The following CRKL variants were observed in gnomAD, a reference collection of about 807,000 sequenced individuals.
CRKL encodes the protein crk-like protein.
A neutral mutation model predicts 23.0 loss-of-function variants in CRKL; 3 were observed. The observed-to-expected ratio is 0.13, with a 90% confidence interval of 0.06 to 0.34. The LOEUF (loss-of-function observed/expected upper bound fraction) is 0.34, where lower values mean the gene tolerates loss of function less well. Among genes scored for constraint, CRKL ranks in the 10% least tolerant of loss-of-function variants. The pLI is 1.00. For synonymous variants in CRKL, 188 were observed against 160.7 expected (o/e 1.17, Z -1.28); for missense variants, 256 against 394.5 (o/e 0.65, Z 2.97).
chr22:20,935,987 A>G (rs1438509487), intron 2 of CRKL, among the ~76,000 whole-genome samples: 1 of 152,160 alleles, frequency 6.6e-6, no homozygotes, highest in Non-Finnish European at 1.5e-5. Context: ...GTGAAACCCC[A>G]TCTCTACCAA....
At position 20,934,254 on chromosome 22, in the gene CRKL, G is replaced by T. The variant is rs770889039; in HGVS notation, c.777+10G>T. The T allele has an allele frequency of 1.3e-6, 2 of 1,596,140 alleles. No individual in the cohort carries two copies. Among genetic ancestry groups the T allele is most frequent in the Admixed American group, 3.5e-5 (2 of 57,662 alleles). Reference sequence around the variant, plus strand: ...TGCCTTGGCATTAGAGGTAAAATCTGTTCAGATTAGCTTTTTGGGTCCTTT... The same window carrying T: ...TGCCTTGGCATTAGAGGTAAAATCTTTTCAGATTAGCTTTTTGGGTCCTTT... On this transcript the variant is annotated intron_variant, in intron 2 of 2. Coordinates refer to ENST00000354336, the MANE Select transcript of CRKL (RefSeq NM_005207.4).
rs775637595 is a variant in CRKL at position 20,933,784 on chromosome 22, C to G, written c.317C>G (p.Pro106Arg). 10 of 1,610,650 alleles carry G rather than the reference C, an allele frequency of 6.2e-6. No individual in the cohort carries two copies. Among genetic ancestry groups the G allele is most frequent in the African/African-American group, 1.3e-5 (1 of 74,770 alleles). ...AATTTTCTTTCTCTCTTAAGGTATC[C>G]AAGCCCACCAATGGGATCTGTCTCA... ...TTLIEPAPRY[P>R]SPPMGSVSAP... The change falls in exon 2 of 3, where the codon CCA becomes CGA. Residue 106 changes from proline to arginine, a missense_variant. Pro to Arg is a moderately radical substitution (Grantham distance 103). Transcript: ENST00000354336.
intron 2 of CRKL, among the ~76,000 whole-genome samples, chr22:20,949,240 T>C (rs1337048218): frequency 6.6e-6 from 1 of 152,132 alleles, no homozygotes; most frequent in East Asian, 1.9e-4. Context: ...ATCCTCTCAC[T>C]TCAGCCTCCT....
intron 1 of CRKL, among the ~76,000 whole-genome samples, chr22:20,928,148 CTCTG>C (rs1970239293): frequency 6.6e-6 from 1 of 151,712 alleles, no homozygotes; most frequent in Non-Finnish European, 1.5e-5. Flanking sequence ...TAGAGTGAGA[CTCTG>C]TCTCAAAAAA....
Position 20,950,901 on chromosome 22 carries a change from C to G in CRKL, c.*1056C>G, listed in dbSNP as rs1310332526. The G allele has an allele frequency of 4.3e-6, 1 of 232,016 alleles. No homozygotes were observed. The highest frequency in any genetic ancestry group is 2.2e-5 in the African/African-American group (1 of 45,272). 14.4% of individuals were successfully genotyped at this position (232,016 alleles called of 1,614,324 possible). On this transcript the variant is annotated 3_prime_UTR_variant, in exon 3 of 3. Coordinates refer to ENST00000354336, the MANE Select transcript of CRKL (RefSeq NM_005207.4). The stretch of plus-strand genomic sequence containing the variant: ...GTACCTTGTTTTGCCATGTAGCAGA[C>G]AACACACAAAATAATGCAGTTGTGG...
intron 2 of CRKL, among the ~76,000 whole-genome samples, chr22:20,947,096 C>T (rs1184392442): frequency 2.0e-5 from 3 of 152,218 alleles, no homozygotes; most frequent in Non-Finnish European, 4.4e-5. Context: ...CAGCCATTCT[C>T]TTCCTAGGCT....
intron 2 of CRKL, among the ~76,000 whole-genome samples, chr22:20,944,095 A>T (rs368700411): frequency 6.8e-6 from 1 of 146,900 alleles, no homozygotes; most frequent in Non-Finnish European, 1.5e-5. Context: ...TAGAATTTTG[A>T]TAGGGATTGT....
chr22:20,927,013 G>GC (rs1921228393), intron 1 of CRKL, among the ~76,000 whole-genome samples: 2 of 147,656 alleles, frequency 1.4e-5, no homozygotes, highest in Non-Finnish European at 3.0e-5. Context: ...TCGGGAGGCT[G>GC]AGGCAGGAGA....
intron 1 of CRKL, among the ~76,000 whole-genome samples, chr22:20,927,693 A>G (rs564235714): frequency 5.3e-5 from 8 of 149,892 alleles, no homozygotes; most frequent in Admixed American, 3.3e-4. Context: ...AAAGACAAAA[A>G]TTAGCCGGGC....
chr22:20,953,496 C>T lies in CRKL; in HGVS notation c.*3651C>T, dbSNP rs1268128158. ...TAACTTAAAGATCATAAACTTCAGGCAATAATATTTTCTGTGTAAGCTTTT... is the reference window on the plus strand; with the variant it reads ...TAACTTAAAGATCATAAACTTCAGGTAATAATATTTTCTGTGTAAGCTTTT... On this transcript the variant is annotated 3_prime_UTR_variant, in exon 3 of 3. Transcript: ENST00000354336. 1 of 230,430 alleles carries T rather than the reference C, an allele frequency of 4.3e-6. No individual in the cohort carries two copies. Among genetic ancestry groups the T allele is most frequent in the Non-Finnish European group, 8.6e-6 (1 of 116,180 alleles). The allele number at this position is 230,430 out of a possible 1,614,324, so 14.3% of individuals were successfully genotyped here.
rs1280463588 is a variant in CRKL, at chr22:20,950,309, C to T, written c.*464C>T. 4.4e-6 allele frequency: 1 copy of T among 227,782 alleles called. No individual in the cohort carries two copies. The allele number at this position is 227,782 out of a possible 1,614,324, so 14.1% of individuals were successfully genotyped here. ...ACCTTAAGGAAGAGAGAATTCTGTT[C>T]TAAAACTCCAAAATCTGGCTTTTTT... On this transcript the variant is annotated 3_prime_UTR_variant, in exon 3 of 3. Transcript: ENST00000354336.
At chr22:20,937,241 C>G (rs1357397081) in intron 2 of CRKL, among the ~76,000 whole-genome samples, 1 of 152,150 alleles carries the variant, frequency 6.6e-6, no homozygotes, top group Non-Finnish European at 1.5e-5. Flanking sequence ...CCTTGGTGCT[C>G]TGGGCTGTTA....
At chr22:20,930,665 C>G (rs1478717126) in intron 1 of CRKL, among the ~76,000 whole-genome samples, 1 of 147,026 alleles carries the variant, frequency 6.8e-6, no homozygotes. Context: ...CAGGCGTGAG[C>G]CACCACACGC....
rs759338529 is a variant in CRKL at position 20,934,091 on chromosome 22, T to C, written c.624T>C (p.Ala208=). The change falls in exon 2 of 3, where the codon GCT becomes GCC. Residue 208 remains alanine (A), a synonymous_variant. Transcript: ENST00000354336. Reference sequence around the variant, plus strand: ...TCCCAGAACCTGCTCATGCATACGCTCAACCTCAGACCACAACTCCTCTAC... The same window carrying C: ...TCCCAGAACCTGCTCATGCATACGCCCAACCTCAGACCACAACTCCTCTAC... The part of the protein sequence containing the change: ...YGIPEPAHAY[A]QPQTTTPLPA... 10 of 1,614,196 alleles carry C rather than the reference T, an allele frequency of 6.2e-6. No individual in the cohort carries two copies. In the Middle Eastern group the frequency reaches 6.6e-4, roughly 107 times the overall value.
intron 1 of CRKL, among the ~76,000 whole-genome samples, chr22:20,927,965 C>T (rs1921292337): frequency 6.6e-6 from 1 of 151,548 alleles, no homozygotes; most frequent in Non-Finnish European, 1.5e-5. Flanking sequence ...AGTTTAAGAC[C>T]AGCCTGGCCA....
intron 2 of CRKL, 132 bp downstream of exon 2, chr22:20,934,376 C>A: frequency 1.2e-6 from 1 of 802,822 alleles, no homozygotes; most frequent in Non-Finnish European, 1.9e-6. Flanking sequence ...AAGATACGCA[C>A]TGTTAGCGTT....
At chr22:20,947,036 T>G (rs1270359314) in intron 2 of CRKL, among the ~76,000 whole-genome samples, 1 of 152,166 alleles carries the variant, frequency 6.6e-6, no homozygotes, top group African/African-American at 2.4e-5. Flanking sequence ...TGGAAACTCC[T>G]GCAAGGCCAC....
intron 1 of CRKL, among the ~76,000 whole-genome samples, chr22:20,925,569 A>T (rs117292351): frequency 6.6e-6 from 1 of 152,234 alleles, no homozygotes; most frequent in Non-Finnish European, 1.5e-5. Flanking sequence ...TCAGATAAGT[A>T]AAAGGGGGCA....
chr22:20,930,376 CTTCTT>C (rs1439840786), intron 1 of CRKL, among the ~76,000 whole-genome samples: 2 of 152,092 alleles, frequency 1.3e-5, no homozygotes, highest in East Asian at 1.9e-4. Flanking sequence ...GCTTGGCTAT[CTTCTT>C]TTTTTTGTTT....
Sources: gnomAD v4.1 joint callset for allele counts (sites outside exome capture counted in the v4.1 genomes callset) on GRCh38, gnomAD v4.1.1 for gene constraint, MANE v1.5 for transcripts, NCBI Gene and HGNC (gene_info 2026-07-23, HGNC 2026-07-21) for gene names.